Variants in EYA4 observed in about 807,000 individuals in gnomAD.
The protein encoded by EYA4 is protein phosphatase EYA4.
A neutral mutation model predicts 87.9 loss-of-function variants in EYA4; 31 were observed. That is an observed-to-expected ratio of 0.35 (90% CI 0.27 to 0.48). The LOEUF is 0.48. EYA4 is among the 20% of genes least tolerant of loss of function. EYA4 has a pLI of 0.99. For missense variants in EYA4, 678 were observed against 761.4 expected (o/e 0.89, Z 1.29); for synonymous variants, 263 against 270.6 (o/e 0.97, Z 0.28).
intron 2 of EYA4, among the ~76,000 whole-genome samples, chr6:133,300,500 T>C (rs1779318219): frequency 6.6e-6 from 1 of 152,054 alleles, no homozygotes; most frequent in Non-Finnish European, 1.5e-5. Context: ...TTGTACAAAA[T>C]GTATTGTTGT....
At chr6:133,258,067 C>T (rs1299240428) in intron 1 of EYA4, among the ~76,000 whole-genome samples, 1 of 152,006 alleles carries the variant, frequency 6.6e-6, no homozygotes, top group East Asian at 1.9e-4. Context: ...TTAAGAAAAC[C>T]AAGCTGGATT....
At chr6:133,399,873 A>G (rs1178455168) in intron 3 of EYA4, among the ~76,000 whole-genome samples, 3 of 152,200 alleles carry the variant, frequency 2.0e-5, no homozygotes, top group African/African-American at 7.2e-5. Context: ...GTTTAAACAA[A>G]ATTAAATAAG....
chr6:133,248,232 T>C (rs1397917220), intron 1 of EYA4: 2 of 152,216 alleles, frequency 1.3e-5, no homozygotes, highest in Non-Finnish European at 2.9e-5. Flanking sequence ...ACTTTAGATT[T>C]TCACGTAAAT....
intron 3 of EYA4, among the ~76,000 whole-genome samples, chr6:133,396,154 T>TCC (rs1787778233): frequency 6.6e-6 from 1 of 152,204 alleles, no homozygotes; most frequent in Non-Finnish European, 1.5e-5. Context: ...TTGTTCCATT[T>TCC]TTTTAGGCTT....
chr6:133,313,267 T>G (rs1780372582), intron 2 of EYA4, among the ~76,000 whole-genome samples: 2 of 152,166 alleles, frequency 1.3e-5, no homozygotes. Context: ...GTAGGAAAGT[T>G]TGCTCCAAGC....
intron 2 of EYA4, among the ~76,000 whole-genome samples, chr6:133,374,415 G>A (rs184800552): frequency 5.3e-5 from 8 of 152,112 alleles, no homozygotes; most frequent in Admixed American, 3.3e-4. Flanking sequence ...GCCTGTGACA[G>A]CCCAATACTA....
At chr6:133,438,348 C>T (rs1791907047) in intron 3 of EYA4, among the ~76,000 whole-genome samples, 1 of 150,174 alleles carries the variant, frequency 6.7e-6, no homozygotes, top group Non-Finnish European at 1.5e-5. Context: ...TTCTCTGCTC[C>T]GTTCTATGGT....
rs537669152 is a variant in EYA4 at position 133,436,223 on chromosome 6, G to GAA, written c.84-10393_84-10392dup. Reference sequence around the variant, plus strand: ...CGACAGAGCAAGACTCCGTCTTGAGGAAAAAAAAAAAAAAAGAAATTTCCA... The same window carrying GAA: ...CGACAGAGCAAGACTCCGTCTTGAGGAAAAAAAAAAAAAAAAAGAAATTTCCA... On this transcript the variant is annotated intron_variant, in intron 3 of 19. Coordinates refer to ENST00000355286, the MANE Select transcript of EYA4 (RefSeq NM_004100.5). Among the ~76,000 whole-genome samples the GAA allele has an allele frequency of 1.8e-3, 242 of 133,478 alleles. 1 individual carries two copies. The highest frequency in any genetic ancestry group is 0.014 in the East Asian group (67 of 4,624). The allele number at this position is 133,478 out of a possible 152,430, so 87.6% of individuals were successfully genotyped here.
In EYA4 at chr6:133,529,110, C is replaced by A; in HGVS notation, c.*305C>A. 1 of 1,109,610 alleles carries A rather than the reference C, an allele frequency of 9.0e-7. No homozygotes were observed. The highest frequency in any genetic ancestry group is 1.1e-6 in the Non-Finnish European group (1 of 909,410). The allele number at this position is 1,109,610 out of a possible 1,614,324, so 68.7% of individuals were successfully genotyped here. A position where few individuals can be genotyped will look rare whatever the true frequency, so the allele number is the denominator to read the frequency against. On this transcript the variant is annotated 3_prime_UTR_variant, in exon 20 of 20. Transcript: ENST00000355286. The stretch of plus-strand genomic sequence containing the variant: ...AGCAGCTTTAGCAAAGAACTCTTAC[C>A]CTGGCAAAGCAGCAACACACATGCT...
At chr6:133,257,862 T>C (rs1400965197) in intron 1 of EYA4, among the ~76,000 whole-genome samples, 1 of 151,784 alleles carries the variant, frequency 6.6e-6, no homozygotes, top group East Asian at 1.9e-4. Context: ...CATTCATTCA[T>C]TCATGCATGC....
chr6:133,264,281 T>C (rs568193968), intron 1 of EYA4, among the ~76,000 whole-genome samples: 1 of 152,350 alleles, frequency 6.6e-6, no homozygotes, highest in African/African-American at 2.4e-5. Flanking sequence ...GGCAGAGCGG[T>C]ACTACCGCTA....
At chr6:133,356,163 G>A (rs191088317) in intron 2 of EYA4, among the ~76,000 whole-genome samples, 4 of 152,050 alleles carry the variant, frequency 2.6e-5, no homozygotes, top group Admixed American at 1.3e-4. Flanking sequence ...TCCTCATGAC[G>A]TCATATAAGC....
intron 2 of EYA4, among the ~76,000 whole-genome samples, chr6:133,293,568 T>A (rs370735): frequency 0.16 from 24,585 of 152,080 alleles, 2,474 homozygotes; most frequent in Admixed American, 0.24. Context: ...TGAACCTCTT[T>A]CCTCGTCTAT....
At chr6:133,379,753 A>T (rs1276801474) in intron 2 of EYA4, among the ~76,000 whole-genome samples, 1 of 152,112 alleles carries the variant, frequency 6.6e-6, no homozygotes, top group Non-Finnish European at 1.5e-5. Context: ...TGGGGATATA[A>T]TGATGTACCA....
At position 133,525,157 on chromosome 6, in the gene EYA4, A is replaced by G. The variant is rs1800527323; in HGVS notation, c.1742A>G (p.Lys581Arg). ...CTTTATCTCATTTATCTTCCAGGAA[A>G]AGAAAGTTGCTTTGAACGAATAATG... The part of the protein sequence containing the change: ...ENIYSATKIG[K>R]ESCFERIMQR... Residue 581 changes from lysine to arginine, a missense_variant, in exon 19 of 20, where the codon AAA (lysine) becomes AGA (arginine). Coordinates refer to ENST00000355286, the MANE Select transcript of EYA4 (RefSeq NM_004100.5). 1.2e-6 allele frequency: 2 copies of G among 1,613,614 alleles called. No homozygotes were observed. Among genetic ancestry groups the G allele is most frequent in the African/African-American group, 2.7e-5 (2 of 74,892 alleles).
rs560821880 is a variant in EYA4 at position 133,371,327 on chromosome 6, G to A, written c.34-11065G>A. Among the ~76,000 whole-genome samples, 19 of 152,240 alleles carry A rather than the reference G, an allele frequency of 1.2e-4. No homozygotes were observed. In the South Asian group the frequency reaches 2.5e-3, roughly 20 times the overall value. On this transcript the variant is annotated intron_variant, in intron 2 of 19. Transcript: ENST00000355286. ...CAATAAGTTTTCCCGTTTGGTTTAC[G>A]GGGTCTACTGAGCATCAGTCAGCAC...
chr6:133,268,344 A>G (rs1475882779), intron 1 of EYA4, among the ~76,000 whole-genome samples: 1 of 152,182 alleles, frequency 6.6e-6, no homozygotes, highest in East Asian at 1.9e-4. Flanking sequence ...TTGTTTATGT[A>G]GGCAATGAAT....
intron 2 of EYA4, among the ~76,000 whole-genome samples, chr6:133,289,654 G>A (rs1161349065): frequency 6.6e-6 from 1 of 152,104 alleles, no homozygotes; most frequent in Non-Finnish European, 1.5e-5. Flanking sequence ...CCAACAAATA[G>A]AAGAGCCTAT....
intron 10 of EYA4, among the ~76,000 whole-genome samples, chr6:133,465,662 T>C (rs751724216): frequency 4.6e-5 from 7 of 152,186 alleles, no homozygotes; most frequent in Non-Finnish European, 1.0e-4. Context: ...ATTGAAGAGT[T>C]AGTGGCTGAC....
Sources: allele counts gnomAD v4.1 joint callset (sites outside exome capture counted in the v4.1 genomes callset), GRCh38; gene constraint gnomAD v4.1.1; transcripts MANE v1.5; gene names NCBI Gene and HGNC (gene_info 2026-07-23, HGNC 2026-07-21).